Variants in IGFL2 observed in about 807,000 individuals in gnomAD.
IGFL2 encodes insulin growth factor-like family member 2.
Under a neutral mutation model 13.9 loss-of-function variants are expected in IGFL2, and 7 were observed. The ratio of observed to expected loss-of-function variants is 0.51; its 90% CI spans 0.29 to 0.95. The LOEUF is 0.95. IGFL2 is among the 40% of genes least tolerant of loss of function. The pLI, the probability that IGFL2 is intolerant of heterozygous loss-of-function variation, is 0.08. For synonymous variants in IGFL2, 55 were observed against 55.8 expected, an observed-to-expected ratio of 0.99 and a Z score of 0.07; for missense variants, 138 against 147.8, an observed-to-expected ratio of 0.93 and a Z score of 0.34.
chr19:46,114,893 G>A, the IGFL2 span, among the ~76,000 whole-genome samples: 2 of 152,128 alleles, frequency 1.3e-5, no homozygotes, highest in Admixed American at 6.5e-5. Context: ...ACTCCCCACA[G>A]GTTTACAGAA....
At chr19:46,114,947 C>T in the IGFL2 span, among the ~76,000 whole-genome samples, 1 of 152,138 alleles carries the variant, frequency 6.6e-6, no homozygotes, top group African/African-American at 2.4e-5. Flanking sequence ...CATTTTCATC[C>T]ATAGCCCTAG....
upstream of IGFL2, among the ~76,000 whole-genome samples, chr19:46,146,590 A>T (rs983561607): frequency 6.6e-6 from 1 of 152,186 alleles, no homozygotes; most frequent in African/African-American, 2.4e-5. Context: ...CCACGACATG[A>T]TATACCACTC....
the IGFL2 span, among the ~76,000 whole-genome samples, chr19:46,182,421 C>A: frequency 8.3e-5 from 12 of 145,308 alleles, no homozygotes; most frequent in African/African-American, 3.1e-4. Flanking sequence ...TTTTCTCTCA[C>A]AATTTGCTTG....
At chr19:46,115,148 T>C in the IGFL2 span, among the ~76,000 whole-genome samples, 2 of 152,204 alleles carry the variant, frequency 1.3e-5, no homozygotes, top group Non-Finnish European at 2.9e-5. Context: ...AACTATGTTA[T>C]GTGTATGAAA....
intron 1 of IGFL2, chr19:46,158,939 G>T (rs1973977057): frequency 6.6e-6 from 1 of 152,238 alleles, no homozygotes; most frequent in Admixed American, 6.5e-5. Context: ...GGTCCTGCCA[G>T]ATCTGCTGCC....
rs367982876 is a variant in IGFL2 at position 46,160,915 on chromosome 19, G to A, written c.341+34G>A. On this transcript the variant is annotated intron_variant, in intron 3 of 3. Coordinates refer to ENST00000377693, the MANE Select transcript of IGFL2 (RefSeq NM_001135113.2). ...CCCGTCCCTGGCCAGGGGGTCGGGG[G>A]AAGGGAGGTGGAAATGAGGAGGGGA... is the stretch of plus-strand genomic sequence containing the variant. The A allele has an allele frequency of 2.5e-6, 4 of 1,608,534 alleles. No individual in the cohort carries two copies. The East Asian group carries it at 8.9e-5, about 36-fold the overall frequency.
the IGFL2 span, among the ~76,000 whole-genome samples, chr19:46,185,533 G>A: frequency 2.0e-5 from 3 of 152,232 alleles, no homozygotes; most frequent in African/African-American, 7.2e-5. Flanking sequence ...CTAGAGTGGT[G>A]TGGGAGTCTA....
chr19:46,081,953 A>C, the IGFL2 span, among the ~76,000 whole-genome samples: 1 of 152,194 alleles, frequency 6.6e-6, no homozygotes, highest in South Asian at 2.1e-4. Flanking sequence ...TATAGTTGTT[A>C]ATGTCAAGAG....
downstream of IGFL2, among the ~76,000 whole-genome samples, chr19:46,163,678 T>C (rs1974263182): frequency 6.6e-6 from 1 of 152,204 alleles, no homozygotes; most frequent in Non-Finnish European, 1.5e-5. Flanking sequence ...ATGGAGTTGC[T>C]GAGTTGCTAC....
At chr19:46,177,486 G>A in the IGFL2 span, among the ~76,000 whole-genome samples, 306 of 151,866 alleles carry the variant, frequency 2.0e-3, 3 homozygotes, top group Middle Eastern at 0.017. Context: ...ATATATATAC[G>A]CATTATATAT....
the IGFL2 span, among the ~76,000 whole-genome samples, chr19:46,174,615 T>C: frequency 6.6e-6 from 1 of 152,176 alleles, no homozygotes; most frequent in African/African-American, 2.4e-5. Context: ...AATAAATGTA[T>C]GAGGAGTGGG....
chr19:46,214,344 G>T, the IGFL2 span: 1 of 152,220 alleles, frequency 6.6e-6, no homozygotes, highest in Non-Finnish European at 1.5e-5. Context: ...GAATCACCAG[G>T]TCGATTTAAA....
chr19:46,166,330 A>G, the IGFL2 span, among the ~76,000 whole-genome samples: 5 of 152,298 alleles, frequency 3.3e-5, no homozygotes, highest in African/African-American at 9.6e-5. Context: ...CACAAGCCAC[A>G]AAAACCAGCA....
At chr19:46,182,690 A>G in the IGFL2 span, among the ~76,000 whole-genome samples, 2 of 152,250 alleles carry the variant, frequency 1.3e-5, no homozygotes, top group Non-Finnish European at 2.9e-5. Context: ...ACGGTGTTGC[A>G]TGTGTCAGAT....
At chr19:46,138,510 G>GT (rs1972707302), upstream of IGFL2, among the ~76,000 whole-genome samples, 1 of 152,224 alleles carries the variant, frequency 6.6e-6, no homozygotes, top group Non-Finnish European at 1.5e-5. Flanking sequence ...TGTGCTGGTG[G>GT]TGGGGGAGCA....
the IGFL2 span, chr19:46,120,166 T>C: frequency 2.3e-5 from 22 of 947,502 alleles, no homozygotes; most frequent in South Asian, 3.6e-4. Flanking sequence ...ATTCTTCCCC[T>C]GAAGTCTGGC....
At chr19:46,100,373 A>T in the IGFL2 span, among the ~76,000 whole-genome samples, 1 of 152,194 alleles carries the variant, frequency 6.6e-6, no homozygotes, top group Non-Finnish European at 1.5e-5. Context: ...AAACAGGTCT[A>T]TGCCTTTCTC....
chr19:46,134,312 C>T, the IGFL2 span, among the ~76,000 whole-genome samples: 13 of 152,034 alleles, frequency 8.6e-5, no homozygotes, highest in Non-Finnish European at 1.6e-4. Flanking sequence ...CTTTTTGGCT[C>T]CAGGGACTGG....
At chr19:46,120,751 A>G in the IGFL2 span, among the ~76,000 whole-genome samples, 86,134 of 150,410 alleles carry the variant, frequency 0.57, 26,777 homozygotes, top group Non-Finnish European at 0.66. Flanking sequence ...TGGTTATTGC[A>G]TAGCATGATG....
Sources: gnomAD v4.1 joint callset for allele counts (sites outside exome capture counted in the v4.1 genomes callset) on GRCh38, gnomAD v4.1.1 for gene constraint, MANE v1.5 for transcripts, NCBI Gene and HGNC (gene_info 2026-07-23, HGNC 2026-07-21) for gene names.